Variants in CRACDL observed in about 807,000 individuals in gnomAD.
CRACDL encodes CRACD-like protein.
In CRACDL, 26 loss-of-function variants were observed where a neutral mutation model predicts 70.6. The ratio of observed to expected loss-of-function variants is 0.37; its 90% CI spans 0.27 to 0.51. The LOEUF (loss-of-function observed/expected upper bound fraction) is 0.51, where lower values mean the gene tolerates loss of function less well. CRACDL is among the 20% of genes least tolerant of loss of function. The probability of loss-of-function intolerance (pLI) is 0.94; values close to 1 mark genes in which losing one functional copy is unlikely to be tolerated. For missense variants in CRACDL, 1,283 were observed against 1,376.9 expected, an observed-to-expected ratio of 0.93 and a Z score of 1.08; for synonymous variants, 618 against 615.2, an observed-to-expected ratio of 1.00 and a Z score of -0.07.
At position 98,899,097 on chromosome 2, in the gene CRACDL, T is replaced by G. The variant is rs184772799; in HGVS notation, c.-11+36841A>C. On this transcript the variant is annotated intron_variant, in intron 1 of 9. Transcript: ENST00000397899. ...GGACCTGAATATAAACAAGCTGACATGTCTGGGATGTGCCCCTCCCACCCC... is the reference window on the plus strand; with the variant it reads ...GGACCTGAATATAAACAAGCTGACAGGTCTGGGATGTGCCCCTCCCACCCC... Among the ~76,000 whole-genome samples, 325 of 152,256 alleles carry G rather than the reference T, an allele frequency of 2.1e-3. 2 individuals are homozygous for G. The highest frequency in any genetic ancestry group is 7.5e-3 in the African/African-American group (313 of 41,532).
chr2:98,844,189 T>C (rs1304432649), intron 2 of CRACDL, among the ~76,000 whole-genome samples: 4 of 152,252 alleles, frequency 2.6e-5, no homozygotes, highest in Admixed American at 2.0e-4. Flanking sequence ...CTTTTTTGTA[T>C]ATGTTGTATA....
intron 1 of CRACDL, among the ~76,000 whole-genome samples, chr2:98,930,305 C>T (rs935251023): frequency 6.6e-5 from 8 of 120,552 alleles, no homozygotes; most frequent in South Asian, 2.5e-4. Context: ...CCCTCTGTAC[C>T]GTGTCCCCTA....
At chr2:98,885,729 G>T (rs1039011073) in intron 1 of CRACDL, among the ~76,000 whole-genome samples, 1 of 152,158 alleles carries the variant, frequency 6.6e-6, no homozygotes, top group African/African-American at 2.4e-5. Context: ...TCTGCAACTT[G>T]CCTCAGGACA....
At chr2:98,803,071 C>T (rs571105664) in intron 7 of CRACDL, among the ~76,000 whole-genome samples, 153 of 149,172 alleles carry the variant, frequency 1.0e-3, no homozygotes, top group Non-Finnish European at 1.6e-3. Flanking sequence ...GCAATCTAGG[C>T]TCACTGCAAG....
At chr2:98,875,978 C>T (rs780419182) in intron 1 of CRACDL, among the ~76,000 whole-genome samples, 6 of 152,188 alleles carry the variant, frequency 3.9e-5, no homozygotes, top group Non-Finnish European at 5.9e-5. Flanking sequence ...TCCTCTTGGT[C>T]AGCTCTCAGG....
intron 2 of CRACDL, 32 bp downstream of exon 2, chr2:98,846,699 C>T: frequency 3.2e-6 from 5 of 1,565,796 alleles, no homozygotes; most frequent in Non-Finnish European, 3.5e-6. Flanking sequence ...AAAGCAAGTG[C>T]CCTCCCCAGA....
At chr2:98,887,860 G>A (rs4851170) in intron 1 of CRACDL, among the ~76,000 whole-genome samples, 79,457 of 152,046 alleles carry the variant, frequency 0.52, 22,391 homozygotes, top group African/African-American at 0.73. Flanking sequence ...CCAGGCTGAA[G>A]GAGAAATACT....
At chr2:98,811,836 C>T (rs1010397237) in intron 7 of CRACDL, among the ~76,000 whole-genome samples, 5 of 152,204 alleles carry the variant, frequency 3.3e-5, no homozygotes, top group African/African-American at 1.2e-4. Context: ...TGAGCATGCA[C>T]AATTAAGGTT....
At position 98,822,063 on chromosome 2, in the gene CRACDL, C is replaced by A; in HGVS notation, c.2210G>T (p.Arg737Leu). 1 of 1,550,024 alleles carries A rather than the reference C, an allele frequency of 6.5e-7. No individual in the cohort carries two copies. Among genetic ancestry groups the A allele is most frequent in the Non-Finnish European group, 8.7e-7 (1 of 1,146,784 alleles). ...KCPLGTAPAL[R>L]GTRAPSDQGK... ...TTGGTCGCTGGGGGCCCTGGTGCCT[C>A]GAAGGGCGGGGGCCGTCCCGAGGGG... The change falls in exon 7 of 10, where the codon CGA (arginine) becomes CTA (leucine). Residue 737 changes from arginine to leucine, a missense_variant. By Grantham distance (102) the Arg-to-Leu change is moderately radical. Coordinates refer to ENST00000397899, the MANE Select transcript of CRACDL (RefSeq NM_207362.3). The surrounding 1 kb of genome is among the most constrained non-coding windows in gnomAD (Gnocchi z 4.9).
intron 2 of CRACDL, among the ~76,000 whole-genome samples, chr2:98,840,182 C>G (rs368823944): frequency 1.3e-5 from 2 of 152,096 alleles, no homozygotes; most frequent in African/African-American, 4.8e-5. Context: ...GCTGCATCTA[C>G]GTGTTTTAAA....
chr2:98,869,007 C>T (rs1262910876), intron 1 of CRACDL: 6 of 992,112 alleles, frequency 6.0e-6, no homozygotes, highest in South Asian at 1.3e-5. Context: ...ACCCACGCCC[C>T]GGGAGTCACG....
chr2:98,811,488 A>C (rs1704556133), intron 7 of CRACDL, among the ~76,000 whole-genome samples: 1 of 143,330 alleles, frequency 7.0e-6, no homozygotes, highest in South Asian at 2.3e-4. Context: ...CCAGCACTCC[A>C]GCCTGGTGAC....
At chr2:98,835,069 G>A (rs1374017109) in intron 3 of CRACDL, among the ~76,000 whole-genome samples, 1 of 152,158 alleles carries the variant, frequency 6.6e-6, no homozygotes, top group African/African-American at 2.4e-5. Flanking sequence ...ATAAATATAT[G>A]ATAGGTTAAA....
chr2:98,850,697 G>C (rs1706447063), intron 1 of CRACDL, among the ~76,000 whole-genome samples: 1 of 152,188 alleles, frequency 6.6e-6, no homozygotes, highest in Admixed American at 6.5e-5. Context: ...ACTTACCAGA[G>C]GGCTGAGCCT....
intron 3 of CRACDL, among the ~76,000 whole-genome samples, chr2:98,833,736 A>T (rs1705648975): frequency 6.6e-6 from 1 of 152,240 alleles, no homozygotes; most frequent in Non-Finnish European, 1.5e-5. Flanking sequence ...TTTTCCTAGC[A>T]GCACTGGCTG....
chr2:98,921,367 C>T (rs1176773204), intron 1 of CRACDL, among the ~76,000 whole-genome samples: 1 of 152,216 alleles, frequency 6.6e-6, no homozygotes, highest in Non-Finnish European at 1.5e-5. Flanking sequence ...CCTGGCCTTC[C>T]TTGAATAATA....
intron 1 of CRACDL, among the ~76,000 whole-genome samples, chr2:98,926,830 G>T (rs924822405): frequency 6.6e-6 from 1 of 152,166 alleles, no homozygotes; most frequent in East Asian, 1.9e-4. Context: ...TGCAGCGAAG[G>T]GTTGCTCGGT....
At chr2:98,925,623 G>A (rs1411170476) in intron 1 of CRACDL, among the ~76,000 whole-genome samples, 1 of 152,166 alleles carries the variant, frequency 6.6e-6, no homozygotes, top group African/African-American at 2.4e-5. Flanking sequence ...CGGGGAGTGC[G>A]CCTCGTGAGG....
intron 1 of CRACDL, among the ~76,000 whole-genome samples, chr2:98,927,139 G>A (rs1235603246): frequency 2.0e-5 from 3 of 152,236 alleles, no homozygotes; most frequent in Non-Finnish European, 2.9e-5. Flanking sequence ...CACTATGGAC[G>A]TATCTGGTTT....
Sources: allele counts gnomAD v4.1 joint callset (sites outside exome capture counted in the v4.1 genomes callset), GRCh38; gene constraint gnomAD v4.1.1; non-coding constraint Gnocchi (gnomAD v3.1); transcripts MANE v1.5; gene names NCBI Gene and HGNC (gene_info 2026-07-23, HGNC 2026-07-21).